The following SMARCB1 variants were observed in gnomAD, a reference collection of about 807,000 sequenced individuals.
SMARCB1 encodes SWI/SNF related BAF chromatin remodeling complex subunit B1, also known as SWI/SNF-related matrix-associated actin-dependent regulator of chromatin subfamily B member 1.
Under a neutral mutation model 49.0 loss-of-function variants are expected in SMARCB1, and 5 were observed. The observed-to-expected ratio is 0.10, with a 90% CI of 0.05 to 0.21. The LOEUF (loss-of-function observed/expected upper bound fraction) is 0.21, where lower values mean the gene tolerates loss of function less well. SMARCB1 is among the 10% of genes least tolerant of loss of function. SMARCB1 has a pLI of 1.00. For synonymous variants in SMARCB1, 201 were observed against 200.1 expected, an observed-to-expected ratio of 1.00 and a Z score of -0.04; for missense variants, 226 against 509.2, an observed-to-expected ratio of 0.44 and a Z score of 5.35.
chr22:23,799,597 C>T (rs1929004821), intron 3 of SMARCB1, among the ~76,000 whole-genome samples: 1 of 142,858 alleles, frequency 7.0e-6, no homozygotes, highest in Non-Finnish European at 1.5e-5. Flanking sequence ...ACTGCAACTT[C>T]TGCCTCCTGG....
chr22:23,823,686 A>G (rs1349711526), intron 6 of SMARCB1: 1 of 151,828 alleles, frequency 6.6e-6, no homozygotes, highest in East Asian at 1.9e-4. Flanking sequence ...AGTCGCAGCT[A>G]CTCAGGAGAC....
intron 7 of SMARCB1, among the ~76,000 whole-genome samples, chr22:23,827,069 TCCA>T (rs2030421437): frequency 6.6e-6 from 1 of 152,208 alleles, no homozygotes; most frequent in Non-Finnish European, 1.5e-5. Flanking sequence ...GTGGCCTCCC[TCCA>T]CCAGAGTTGA....
chr22:23,788,560 C>T (rs1022666726), intron 1 of SMARCB1, among the ~76,000 whole-genome samples: 4 of 151,930 alleles, frequency 2.6e-5, no homozygotes, highest in Admixed American at 6.6e-5. Context: ...TGTGCACCAC[C>T]GTGCCCGACT....
chr22:23,793,064 G>T lies in SMARCB1; in HGVS notation c.233-495G>T, dbSNP rs1306029099. On this transcript the variant is annotated intron_variant, in intron 2 of 8. Coordinates refer to ENST00000644036, the MANE Select transcript of SMARCB1 (RefSeq NM_003073.5). ...AGAAATTCGTGTTTGGTGTGAAGCA[G>T]CTCTTTCCAACTCTCTGGGCTCTTG... 4.3e-5 allele frequency: 10 copies of T among 232,712 alleles called. No individual in the cohort carries two copies. The South Asian group carries it at 6.6e-4, about 15-fold the overall frequency. The allele number at this position is 232,712 out of a possible 1,614,324, so 14.4% of individuals were successfully genotyped here. A position where few individuals can be genotyped will look rare whatever the true frequency, so the allele number is the denominator to read the frequency against.
chr22:23,818,137 G>T (rs958131468), intron 6 of SMARCB1: 4 of 133,032 alleles, frequency 3.0e-5, no homozygotes, highest in Admixed American at 2.2e-4. Context: ...AAATACTTTG[G>T]GTGTGTGTGT....
intron 1 of SMARCB1, among the ~76,000 whole-genome samples, chr22:23,788,595 A>G (rs1436815275): frequency 6.6e-6 from 1 of 151,890 alleles, no homozygotes; most frequent in African/African-American, 2.4e-5. Flanking sequence ...TTGTAGAGAC[A>G]GGGTTTTGCC....
In SMARCB1 at chr22:23,792,418, G is replaced by A. The variant is rs1928444198; in HGVS notation, c.232+524G>A. ...CCTGGGGCTTGCTAGGTACACTAGT[G>A]AAACTAGTGGGCTTTGGGTCACGGC... On this transcript the variant is annotated intron_variant, in intron 2 of 8. Coordinates refer to ENST00000644036, the MANE Select transcript of SMARCB1 (RefSeq NM_003073.5). The A allele has an allele frequency of 3.6e-5, 10 of 280,374 alleles. No individual in the cohort carries two copies. The South Asian group carries it at 3.8e-4, about 11-fold the overall frequency. 17.4% of individuals were successfully genotyped at this position (280,374 alleles called of 1,614,324 possible).
chr22:23,816,641 C>G (rs1240624515), intron 5 of SMARCB1, 129 bp from the exon 6 acceptor site: 1 of 853,978 alleles, frequency 1.2e-6, no homozygotes, highest in African/African-American at 1.9e-5. Flanking sequence ...GGAAGGCCAC[C>G]CCCAGTGCCC....
At chr22:23,787,621 T>C (rs1928097027) in intron 1 of SMARCB1, among the ~76,000 whole-genome samples, 1 of 152,026 alleles carries the variant, frequency 6.6e-6, no homozygotes, top group Non-Finnish European at 1.5e-5. Flanking sequence ...CTTTGACCCT[T>C]TTTAGATGTC....
At chr22:23,788,953 C>T (rs1928191112) in intron 1 of SMARCB1, among the ~76,000 whole-genome samples, 1 of 151,976 alleles carries the variant, frequency 6.6e-6, no homozygotes, top group African/African-American at 2.4e-5. Context: ...AGGCTCAAGC[C>T]GTCCTCCCAC....
At chr22:23,816,362 T>C in intron 5 of SMARCB1, 1 of 342,694 alleles carries the variant, frequency 2.9e-6, no homozygotes, top group Non-Finnish European at 5.6e-6. Flanking sequence ...AGGCCTGGTA[T>C]TGGGCCAGCC....
At chr22:23,818,137 G>GGGGTGTGTGTGT (rs1311439174) in intron 6 of SMARCB1, 18 of 132,924 alleles carry the variant, frequency 1.4e-4, no homozygotes, top group African/African-American at 4.5e-4. Flanking sequence ...AAATACTTTG[G>GGGGTGTGTGTGT]GTGTGTGTGT....
intron 3 of SMARCB1, among the ~76,000 whole-genome samples, chr22:23,796,039 C>T (rs191001018): frequency 2.0e-5 from 3 of 152,044 alleles, no homozygotes; most frequent in Non-Finnish European, 4.4e-5. Context: ...GTAATCCTCC[C>T]GCCTCGGCCT....
chr22:23,834,700 C>CCTCTCAGCTCCCCTCAGCCT lies in SMARCB1; in HGVS notation c.*521_*540dup. On this transcript the variant is annotated 3_prime_UTR_variant, in exon 9 of 9. Coordinates refer to ENST00000644036, the MANE Select transcript of SMARCB1 (RefSeq NM_003073.5). ...TGGGGCTCCGGGTAGCACCTCAGCT[C>CCTCTCAGCTCCCCTCAGCCT]CTCTCAGCTCCCCTCAGCCTGTTCT... is the stretch of plus-strand genomic sequence containing the variant. 5 of 1,318,996 alleles carry CCTCTCAGCTCCCCTCAGCCT rather than the reference C, an allele frequency of 3.8e-6. No homozygotes were observed. The highest frequency in any genetic ancestry group is 5.1e-6 in the Non-Finnish European group (5 of 980,292). The allele number at this position is 1,318,996 out of a possible 1,614,324, so 81.7% of individuals were successfully genotyped here. A position where few individuals can be genotyped will look rare whatever the true frequency, so the allele number is the denominator to read the frequency against.
At chr22:23,805,294 G>A (rs966597427) in intron 5 of SMARCB1, among the ~76,000 whole-genome samples, 6 of 152,164 alleles carry the variant, frequency 3.9e-5, no homozygotes, top group East Asian at 1.9e-4. Context: ...TGTATTGAGT[G>A]TAGATGGGGA....
At chr22:23,806,076 T>C (rs1929475611) in intron 5 of SMARCB1, among the ~76,000 whole-genome samples, 1 of 152,254 alleles carries the variant, frequency 6.6e-6, no homozygotes, top group Admixed American at 6.5e-5. Context: ...TCAGCTTTTA[T>C]TTGGTGAACA....
At chr22:23,816,570 T>C in intron 5 of SMARCB1, 200 bp from the exon 6 acceptor site, 1 of 660,724 alleles carries the variant, frequency 1.5e-6, no homozygotes, top group South Asian at 1.7e-5. Context: ...AGGAGGTCTG[T>C]GCAGGATGAG....
Position 23,836,659 on chromosome 22 carries a change from CTGAG to C in SMARCB1, c.*2484_*2487del. 2 of 1,262,854 alleles carry C rather than the reference CTGAG, an allele frequency of 1.6e-6. No homozygotes were observed. The highest frequency in any genetic ancestry group is 2.0e-6 in the Non-Finnish European group (2 of 1,009,228). 78.2% of individuals were successfully genotyped at this position (1,262,854 alleles called of 1,614,324 possible). A position where few individuals can be genotyped will look rare whatever the true frequency, so the allele number is the denominator to read the frequency against. ...CCTGCAGTTGGGCTGAGAGGCCACA[CTGAG>C]TGAGGACGGGGCAGGCATAGAAGGA... On this transcript the variant is annotated 3_prime_UTR_variant, in exon 9 of 9. Transcript: ENST00000644036.
In SMARCB1 at chr22:23,835,649, G is replaced by A. The variant is rs1338807922; in HGVS notation, c.*1469G>A. 7 of 985,420 alleles carry A rather than the reference G, an allele frequency of 7.1e-6. No individual in the cohort carries two copies. The Admixed American group carries it at 3.1e-4, about 43-fold the overall frequency. The allele number at this position is 985,420 out of a possible 1,614,324, so 61.0% of individuals were successfully genotyped here. ...CAGCTGGGCCTTACTGGAAGGCCTT[G>A]AACAAAGGGGAAGATTCCCAGCCCA... On this transcript the variant is annotated 3_prime_UTR_variant, in exon 9 of 9. Transcript: ENST00000644036.
Sources: gnomAD v4.1 joint callset for allele counts (sites outside exome capture counted in the v4.1 genomes callset) on GRCh38, gnomAD v4.1.1 for gene constraint, MANE v1.5 for transcripts, NCBI Gene and HGNC (gene_info 2026-07-23, HGNC 2026-07-21) for gene names.